Variants in GRIN2A observed in about 807,000 individuals in gnomAD.
The protein encoded by GRIN2A is glutamate ionotropic receptor NMDA type subunit 2A.
A neutral mutation model predicts 113.4 loss-of-function variants in GRIN2A; 22 were observed. That is an observed-to-expected ratio of 0.19 (90% CI 0.14 to 0.28). The LOEUF is 0.28. GRIN2A is among the 10% of genes least tolerant of loss of function. The pLI is 1.00. For missense variants in GRIN2A, 1,502 were observed against 1,887.0 expected (o/e 0.80, Z 3.78); for synonymous variants, 827 against 738.4 (o/e 1.12, Z -1.94).
chr16:10,147,993 A>C (rs2049481257), intron 2 of GRIN2A, among the ~76,000 whole-genome samples: 1 of 152,210 alleles, frequency 6.6e-6, no homozygotes, highest in African/African-American at 2.4e-5. Context: ...AGCATCAGAC[A>C]TAATGGAGAA....
chr16:9,896,535 G>A (rs1460053253), intron 3 of GRIN2A, among the ~76,000 whole-genome samples: 1 of 152,186 alleles, frequency 6.6e-6, no homozygotes, highest in Non-Finnish European at 1.5e-5. Flanking sequence ...CTGTTCTTCA[G>A]ATTATATGAA....
Position 10,006,387 on chromosome 16 carries a change from G to T in GRIN2A, c.415-67836C>A, listed in dbSNP as rs570304033. Among the ~76,000 whole-genome samples the T allele has an allele frequency of 2.0e-5, 3 of 152,288 alleles. No homozygotes were observed. In the South Asian group the frequency reaches 6.2e-4, roughly 32 times the overall value. ...GACAAAATGGGCCATGAGATAGAGA[G>T]TGCTAAGGGGGAGCGGTCAAGGAGG... is the stretch of plus-strand genomic sequence containing the variant. On this transcript the variant is annotated intron_variant, in intron 2 of 12. Transcript: ENST00000330684.
At chr16:10,111,663 C>A (rs1596517939) in intron 2 of GRIN2A, 4 of 1,559,478 alleles carry the variant, frequency 2.6e-6, no homozygotes, top group Admixed American at 1.7e-5. Flanking sequence ...TTCACCACAA[C>A]TGCACCCCAG....
At chr16:9,840,899 T>A (rs751508109) in intron 6 of GRIN2A, 37 bp downstream of exon 6, 1 of 1,611,176 alleles carries the variant, frequency 6.2e-7, no homozygotes, top group Non-Finnish European at 8.5e-7. Context: ...AGGCCCTTTG[T>A]CTGAGTAAGA....
chr16:9,933,316 A>G (rs2044640327), intron 3 of GRIN2A, among the ~76,000 whole-genome samples: 1 of 150,462 alleles, frequency 6.6e-6, no homozygotes, highest in Admixed American at 6.6e-5. Context: ...CGCCCAGCCC[A>G]TGAGCAACAA....
intron 2 of GRIN2A, among the ~76,000 whole-genome samples, chr16:9,982,214 C>A (rs953547182): frequency 1.3e-5 from 2 of 152,186 alleles, no homozygotes; most frequent in South Asian, 4.1e-4. Flanking sequence ...ATCTAACAGG[C>A]TTATGCCCCC....
chr16:10,075,005 A>G (rs2047840995), intron 2 of GRIN2A, among the ~76,000 whole-genome samples: 1 of 152,150 alleles, frequency 6.6e-6, no homozygotes, highest in African/African-American at 2.4e-5. Context: ...GAATCCTCCA[A>G]TGAAGGAGTT....
At chr16:10,047,516 A>G (rs1376675412) in intron 2 of GRIN2A, among the ~76,000 whole-genome samples, 2 of 152,204 alleles carry the variant, frequency 1.3e-5, no homozygotes, top group Admixed American at 6.5e-5. Flanking sequence ...GTTCCTGTTA[A>G]TCTTCTTTAC....
intron 11 of GRIN2A, among the ~76,000 whole-genome samples, chr16:9,769,451 C>CCT (rs1567283118): frequency 9.5e-6 from 1 of 104,890 alleles, no homozygotes; most frequent in African/African-American, 3.3e-5. Flanking sequence ...GGAGTTTTGT[C>CCT]TTTTTTTTTT....
At chr16:10,092,628 T>C (rs536228218) in intron 2 of GRIN2A, among the ~76,000 whole-genome samples, 4 of 152,220 alleles carry the variant, frequency 2.6e-5, no homozygotes, top group Non-Finnish European at 4.4e-5. Flanking sequence ...AATTTAATGC[T>C]CATAACAACT....
chr16:9,951,657 G>T (rs1208796144), intron 2 of GRIN2A, among the ~76,000 whole-genome samples: 1 of 152,188 alleles, frequency 6.6e-6, no homozygotes, highest in African/African-American at 2.4e-5. Context: ...AAAAGGGAGA[G>T]ATTTTAACAG....
At chr16:10,034,086 T>G (rs2046979804) in intron 2 of GRIN2A, among the ~76,000 whole-genome samples, 1 of 152,186 alleles carries the variant, frequency 6.6e-6, no homozygotes, top group Non-Finnish European at 1.5e-5. Flanking sequence ...GCCTTCCTGA[T>G]GCCAGGCGGC....
intron 2 of GRIN2A, among the ~76,000 whole-genome samples, chr16:10,162,376 T>A (rs1477217216): frequency 6.6e-6 from 1 of 152,168 alleles, no homozygotes; most frequent in African/African-American, 2.4e-5. Flanking sequence ...TCCCAACCTC[T>A]CTGTATTCAT....
chr16:9,777,882 G>A (rs1337279542), intron 11 of GRIN2A, among the ~76,000 whole-genome samples: 2 of 152,178 alleles, frequency 1.3e-5, no homozygotes, highest in Non-Finnish European at 2.9e-5. Flanking sequence ...TGGCCAACAT[G>A]GTGAAACCCT....
At chr16:10,045,889 T>C (rs764461081) in intron 2 of GRIN2A, among the ~76,000 whole-genome samples, 36 of 152,246 alleles carry the variant, frequency 2.4e-4, no homozygotes, top group Non-Finnish European at 4.7e-4. Flanking sequence ...TCTGCACTAC[T>C]GACCAGATCG....
rs185559350 is a variant in GRIN2A, at chr16:9,956,380, T to C, written c.415-17829A>G. ...GTCCTGGTTTATCACGTATGAGCCG[T>C]GTGTCTCAGGAAACTCACTTCATTT... On this transcript the variant is annotated intron_variant, in intron 2 of 12. Coordinates refer to ENST00000330684, the MANE Select transcript of GRIN2A (RefSeq NM_001134407.3). Among the ~76,000 whole-genome samples, 4 of 152,306 alleles carry C rather than the reference T, an allele frequency of 2.6e-5. No homozygotes were observed. In the East Asian group the frequency reaches 5.8e-4, roughly 22 times the overall value.
Position 9,754,886 on chromosome 16 carries a change from G to A in GRIN2A, c.*8263C>T, listed in dbSNP as rs1227728007. The stretch of plus-strand genomic sequence containing the variant: ...CCTTTAAAACTTGAAACAGCAAAAT[G>A]TCAGATCAATGGGAAGCATTTAAAA... On this transcript the variant is annotated 3_prime_UTR_variant, in exon 13 of 13. Coordinates refer to ENST00000330684, the MANE Select transcript of GRIN2A (RefSeq NM_001134407.3). 4.5e-6 allele frequency: 1 copy of A among 223,942 alleles called. No individual in the cohort carries two copies. Among genetic ancestry groups the A allele is most frequent in the African/African-American group, 2.2e-5 (1 of 44,830 alleles). The allele number at this position is 223,942 out of a possible 1,614,324, so 13.9% of individuals were successfully genotyped here.
At chr16:9,808,662 C>A (rs558717692) in intron 10 of GRIN2A, among the ~76,000 whole-genome samples, 1 of 152,124 alleles carries the variant, frequency 6.6e-6, no homozygotes, top group Admixed American at 6.5e-5. Flanking sequence ...GTATTAGAGA[C>A]AGAATATTAA....
intron 3 of GRIN2A, among the ~76,000 whole-genome samples, chr16:9,893,067 G>A (rs971890074): frequency 4.6e-5 from 7 of 152,140 alleles, no homozygotes; most frequent in Non-Finnish European, 8.8e-5. Context: ...TGGGGGTGTT[G>A]TGTGGGGGAG....
Sources: allele counts gnomAD v4.1 joint callset (sites outside exome capture counted in the v4.1 genomes callset), GRCh38; gene constraint gnomAD v4.1.1; transcripts MANE v1.5; gene names NCBI Gene and HGNC (gene_info 2026-07-23, HGNC 2026-07-21).